The following SLC4A8 variants were observed in gnomAD, a reference collection of about 807,000 sequenced individuals.
SLC4A8 encodes electroneutral sodium bicarbonate exchanger 1.
Under a neutral mutation model 125.0 loss-of-function variants are expected in SLC4A8, and 40 were observed. That is an observed-to-expected ratio of 0.32 (90% CI 0.25 to 0.42). The LOEUF is 0.42. SLC4A8 is among the 10% of genes least tolerant of loss of function. SLC4A8 has a pLI of 1.00. For synonymous variants in SLC4A8, 456 were observed against 476.0 expected, an observed-to-expected ratio of 0.96 and a Z score of 0.55; for missense variants, 863 against 1,355.1, an observed-to-expected ratio of 0.64 and a Z score of 5.70.
Position 51,424,846 on chromosome 12 carries a change from T to C in SLC4A8, c.-142T>C. 2.3e-6 allele frequency: 2 copies of C among 852,406 alleles called. No individual in the cohort carries two copies. The highest frequency in any genetic ancestry group is 1.6e-5 in the South Asian group (1 of 61,626). 52.8% of individuals were successfully genotyped at this position (852,406 alleles called of 1,614,324 possible). ...CGGATGCCTCGCGGGCCGGTGGCTA[T>C]GGAGGCGGCGGCGGTTGATGGTTGA... On this transcript the variant is annotated 5_prime_UTR_variant, in exon 1 of 25. The change abolishes an upstream ATG in the 5' untranslated region. Coordinates refer to ENST00000453097, the MANE Select transcript of SLC4A8 (RefSeq NM_001039960.3).
At chr12:51,480,296 T>G in intron 16 of SLC4A8, 6 of 1,247,184 alleles carry the variant, frequency 4.8e-6, no homozygotes, top group Non-Finnish European at 6.2e-6. Context: ...ATTTCTTTCT[T>G]GCTTAAAATG....
At chr12:51,433,880 G>GTTTTTTTTTTTTT (rs1565772475) in intron 1 of SLC4A8, among the ~76,000 whole-genome samples, 8 of 71,730 alleles carry the variant, frequency 1.1e-4, no homozygotes, top group Admixed American at 2.7e-4. Flanking sequence ...TTTTTTTTTG[G>GTTTTTTTTTTTTT]TTGGTTTTTT....
chr12:51,489,885 G>A lies in SLC4A8; in HGVS notation c.2634G>A (p.Gln878=), dbSNP rs1951263108. The A allele has an allele frequency of 6.2e-7, 1 of 1,614,236 alleles. No homozygotes were observed. Among genetic ancestry groups the A allele is most frequent in the Non-Finnish European group, 8.5e-7 (1 of 1,180,032 alleles). ...CCAAGTTCCTGGGCATCCGAGAACAGAGAGTGACAGGCCTTATGATCTTTG... is the reference window on the plus strand; with the variant it reads ...CCAAGTTCCTGGGCATCCGAGAACAAAGAGTGACAGGCCTTATGATCTTTG... The part of the protein sequence containing the change: ...EQPKFLGIRE[Q]RVTGLMIFVL... Residue 878 remains glutamine, a synonymous_variant, in exon 19 of 25, where the codon CAG becomes CAA. Transcript: ENST00000453097.
At chr12:51,503,031 CG>C (rs1436536842) in intron 22 of SLC4A8, among the ~76,000 whole-genome samples, 4 of 150,260 alleles carry the variant, frequency 2.7e-5, no homozygotes, top group African/African-American at 7.3e-5. Context: ...TTAGTAGAGA[CG>C]GGGGTTTCAC....
intron 1 of SLC4A8, among the ~76,000 whole-genome samples, chr12:51,429,815 G>T (rs1421510963): frequency 6.6e-6 from 1 of 151,772 alleles, no homozygotes; most frequent in Non-Finnish European, 1.5e-5. Context: ...GCCGGTTATT[G>T]AAATTTTAAG....
chr12:51,471,599 G>T, intron 14 of SLC4A8, 67 bp downstream of exon 14: 2 of 1,513,156 alleles, frequency 1.3e-6, no homozygotes, highest in Non-Finnish European at 9.0e-7. Context: ...CTGATGTAGA[G>T]TGCTAGGCAG....
rs1938266474 is a variant in SLC4A8 at position 51,508,782 on chromosome 12, G to A, written c.*1344G>A. The A allele has an allele frequency of 6.6e-6, 1 of 152,144 alleles. No homozygotes were observed. Among genetic ancestry groups the A allele is most frequent in the Non-Finnish European group, 1.5e-5 (1 of 68,020 alleles). The allele number at this position is 152,144 out of a possible 1,614,324, so 9.4% of individuals were successfully genotyped here. A position where few individuals can be genotyped will look rare whatever the true frequency, so the allele number is the denominator to read the frequency against. ...TTTGTGCACAGAATGTAACTAGCAA[G>A]CCCATTAGCACCCAGATAATTCTAT... is the stretch of plus-strand genomic sequence containing the variant. On this transcript the variant is annotated 3_prime_UTR_variant, in exon 25 of 25. Coordinates refer to ENST00000453097, the MANE Select transcript of SLC4A8 (RefSeq NM_001039960.3).
rs1950269049 is a variant in SLC4A8 at position 51,459,851 on chromosome 12, G to A, written c.856-100G>A. On this transcript the variant is annotated intron_variant, in intron 7 of 24. Transcript: ENST00000453097. ...GCCACTGCACTCCAGAGTGGGTGAT[G>A]TAGTGAGACTCTGTCTCAAAAAAAA... The A allele has an allele frequency of 4.1e-6, 4 of 984,866 alleles. No individual in the cohort carries two copies. The African/African-American group carries it at 4.9e-5, about 12-fold the overall frequency. 61.0% of individuals were successfully genotyped at this position (984,866 alleles called of 1,614,324 possible). A position where few individuals can be genotyped will look rare whatever the true frequency, so the allele number is the denominator to read the frequency against.
intron 21 of SLC4A8, among the ~76,000 whole-genome samples, chr12:51,495,470 CTTTTTTTT>C (rs3028942): frequency 7.9e-5 from 6 of 76,302 alleles, no homozygotes; most frequent in South Asian, 1.2e-3. Flanking sequence ...TTTCTTTCTT[CTTTTTTTT>C]TTTTTTTTTT....
At chr12:51,458,436 C>A in intron 6 of SLC4A8, 123 bp from the exon 7 acceptor site, 1 of 679,484 alleles carries the variant, frequency 1.5e-6, no homozygotes, top group South Asian at 1.8e-5. Flanking sequence ...ACTTCGTAGT[C>A]ATCTTAACCT....
chr12:51,403,034 T>C (rs879876074), intron 1 of SLC4A8: 8 of 362,804 alleles, frequency 2.2e-5, no homozygotes, highest in Non-Finnish European at 4.5e-5. Flanking sequence ...TCTGTAGTCA[T>C]GGGTAAGTTG....
At chr12:51,501,178 T>G (rs1036773821) in intron 22 of SLC4A8, among the ~76,000 whole-genome samples, 5 of 152,212 alleles carry the variant, frequency 3.3e-5, no homozygotes, top group African/African-American at 1.2e-4. Flanking sequence ...AAAAAAGTTA[T>G]TTTAGATTCA....
chr12:51,481,968 C>CA (rs893175028), intron 16 of SLC4A8, among the ~76,000 whole-genome samples: 16 of 151,114 alleles, frequency 1.1e-4, no homozygotes, highest in South Asian at 2.1e-4. Flanking sequence ...AAAACAAAAC[C>CA]AAAAAAAACA....
Position 51,440,723 on chromosome 12 carries a change from G to C in SLC4A8, c.64G>C (p.Ala22Pro). 1 of 1,611,248 alleles carries C rather than the reference G, an allele frequency of 6.2e-7. No individual in the cohort carries two copies. Among genetic ancestry groups the C allele is most frequent in the East Asian group, 2.2e-5 (1 of 44,790 alleles). The part of the protein sequence containing the change: ...VLSYQRPDEE[A>P]VVDQGGTSTI... ...GTTTAAACAGAGACCAGATGAAGAAGCTGTGGTGGATCAGGGTGGGACCAG... is the reference window on the plus strand; with the variant it reads ...GTTTAAACAGAGACCAGATGAAGAACCTGTGGTGGATCAGGGTGGGACCAG... Residue 22 changes from alanine to proline, a missense_variant, in exon 2 of 25, where the codon GCT becomes CCT. Ala to Pro is a conservative substitution (Grantham distance 27). Transcript: ENST00000453097.
upstream of SLC4A8, among the ~76,000 whole-genome samples, chr12:51,421,315 T>C (rs1335494130): frequency 6.6e-6 from 1 of 152,178 alleles, no homozygotes; most frequent in Non-Finnish European, 1.5e-5. Flanking sequence ...TAGAGCCAAG[T>C]GAACCAGCTT....
chr12:51,504,247 C>T (rs1592283449), intron 23 of SLC4A8, 127 bp downstream of exon 23: 1 of 673,630 alleles, frequency 1.5e-6, no homozygotes, highest in African/African-American at 1.8e-5. Context: ...CTCCCAGTTC[C>T]ATCCTGTGAA....
intron 1 of SLC4A8, among the ~76,000 whole-genome samples, chr12:51,433,016 TAA>T (rs1246298608): frequency 1.3e-5 from 2 of 152,090 alleles, no homozygotes; most frequent in Admixed American, 6.5e-5. Flanking sequence ...GGAAGTGTGT[TAA>T]GAGAGAGAGC....
chr12:51,409,072 C>T (rs150238139), intron 1 of SLC4A8, among the ~76,000 whole-genome samples: 6,144 of 151,878 alleles, frequency 0.04, 407 homozygotes, highest in African/African-American at 0.14. Flanking sequence ...GTTGCCCAGG[C>T]TGAGTGCAGT....
chr12:51,492,278 A>C (rs1951338662), intron 19 of SLC4A8, among the ~76,000 whole-genome samples: 1 of 151,620 alleles, frequency 6.6e-6, no homozygotes, highest in African/African-American at 2.4e-5. Context: ...TTTTTGGCAA[A>C]TCTTCAACCA....
Sources: gnomAD v4.1 joint callset for allele counts (sites outside exome capture counted in the v4.1 genomes callset) on GRCh38, gnomAD v4.1.1 for gene constraint, MANE v1.5 for transcripts, NCBI Gene and HGNC (gene_info 2026-07-23, HGNC 2026-07-21) for gene names.